SRBD1: variants seen among roughly 807,000 people sequenced by gnomAD.
SRBD1 encodes S1 RNA binding domain 1.
Under a neutral mutation model 115.3 loss-of-function variants are expected in SRBD1, and 88 were observed. That is an observed-to-expected ratio of 0.76 (90% CI 0.64 to 0.91). SRBD1 has a LOEUF of 0.91. Ranked by LOEUF, SRBD1 falls within the 40% of genes least tolerant of loss-of-function variation. The pLI is 0.00. For missense variants in SRBD1, 1,385 were observed against 1,177.4 expected (o/e 1.18, Z -2.58); for synonymous variants, 509 against 407.7 (o/e 1.25, Z -2.99).
At chr2:45,420,364 A>C (rs953186146) in intron 16 of SRBD1, among the ~76,000 whole-genome samples, 1 of 152,232 alleles carries the variant, frequency 6.6e-6, no homozygotes, top group Admixed American at 6.5e-5. Context: ...AAAACATGTT[A>C]TAATAGGAAG....
intron 16 of SRBD1, among the ~76,000 whole-genome samples, chr2:45,464,357 T>C (rs986422305): frequency 2.6e-5 from 4 of 152,150 alleles, no homozygotes; most frequent in African/African-American, 7.2e-5. Flanking sequence ...CTCTCTCCTA[T>C]CCTATTAGGT....
chr2:45,434,925 C>T lies in SRBD1; in HGVS notation c.2050-15031G>A, dbSNP rs539687866. Among the ~76,000 whole-genome samples the T allele has an allele frequency of 5.8e-4, 88 of 152,116 alleles. 1 individual carries two copies. Among genetic ancestry groups the T allele is most frequent in the African/African-American group, 1.6e-3 (68 of 41,516 alleles). ...CCTAATGCTATCCCTCCCCGCTCCCCCCACCCCACGACAGGCCCCGGTGTG... is the reference window on the plus strand; with the variant it reads ...CCTAATGCTATCCCTCCCCGCTCCCTCCACCCCACGACAGGCCCCGGTGTG... On this transcript the variant is annotated intron_variant, in intron 16 of 20. Coordinates refer to ENST00000263736, the MANE Select transcript of SRBD1 (RefSeq NM_018079.5).
chr2:45,488,121 T>C lies in SRBD1; in HGVS notation c.1966+119A>G, dbSNP rs1279109729. On this transcript the variant is annotated intron_variant, in intron 15 of 20. Coordinates refer to ENST00000263736, the MANE Select transcript of SRBD1 (RefSeq NM_018079.5). ...AACCACTTTCTTTCTAATATGCCAATTCTTATGCATGTAGTATAACTTTTA... is the reference window on the plus strand; with the variant it reads ...AACCACTTTCTTTCTAATATGCCAACTCTTATGCATGTAGTATAACTTTTA... The C allele has an allele frequency of 5.2e-6, 4 of 771,626 alleles. No homozygotes were observed. In the East Asian group the frequency reaches 1.1e-4, roughly 21 times the overall value. 47.8% of individuals were successfully genotyped at this position (771,626 alleles called of 1,614,324 possible). A position where few individuals can be genotyped will look rare whatever the true frequency, so the allele number is the denominator to read the frequency against.
chr2:45,560,305 A>T (rs1162022603), intron 10 of SRBD1, among the ~76,000 whole-genome samples: 1 of 152,214 alleles, frequency 6.6e-6, no homozygotes, highest in African/African-American at 2.4e-5. Context: ...ATAGGTTAAA[A>T]GCATATTTTT....
intron 6 of SRBD1, among the ~76,000 whole-genome samples, chr2:45,580,337 C>T (rs994286041): frequency 5.3e-5 from 8 of 151,850 alleles, no homozygotes; most frequent in Non-Finnish European, 7.4e-5. Flanking sequence ...TCTACTTCTT[C>T]GTTTTTTTTG....
At position 45,473,599 on chromosome 2, in the gene SRBD1, A is replaced by G. The variant is rs115367503; in HGVS notation, c.2049+3394T>C. On this transcript the variant is annotated intron_variant, in intron 16 of 20. Coordinates refer to ENST00000263736, the MANE Select transcript of SRBD1 (RefSeq NM_018079.5). ...TGCCTGATTTAGAATTATGAGTTCA[A>G]AATGTTTTTTCCCACAACTCCACAA... Among the ~76,000 whole-genome samples, 1,040 of 152,326 alleles carry G rather than the reference A, an allele frequency of 6.8e-3. 14 individuals are homozygous for G. The highest frequency in any genetic ancestry group is 0.024 in the African/African-American group (990 of 41,572).
At position 45,585,791 on chromosome 2, in the gene SRBD1, C is replaced by T. The variant is rs200141768; in HGVS notation, c.649-17G>A. ...AGATAAAACCTGCAAATTAAAGATACTTAGTGATTTAAAATGCTGAAAATT... is the reference window on the plus strand; with the variant it reads ...AGATAAAACCTGCAAATTAAAGATATTTAGTGATTTAAAATGCTGAAAATT... On this transcript the variant is annotated splice_polypyrimidine_tract_variant and intron_variant, in intron 4 of 20. Coordinates refer to ENST00000263736, the MANE Select transcript of SRBD1 (RefSeq NM_018079.5). 10 of 1,564,916 alleles carry T rather than the reference C, an allele frequency of 6.4e-6. No homozygotes were observed. In the African/African-American group the frequency reaches 8.3e-5, roughly 13 times the overall value.
intron 15 of SRBD1, among the ~76,000 whole-genome samples, chr2:45,487,054 A>T (rs114438243): frequency 1.7e-4 from 26 of 152,276 alleles, no homozygotes; most frequent in African/African-American, 5.5e-4. Context: ...ATTTAAGAAG[A>T]TGATCATTTT....
intron 16 of SRBD1, chr2:45,448,211 C>CAAATCTGT (rs1668886161): frequency 6.6e-6 from 1 of 152,078 alleles, no homozygotes; most frequent in African/African-American, 2.4e-5. Context: ...AATCTTGCCT[C>CAAATCTGT]TACTATTAAC....
chr2:45,547,467 G>C, intron 13 of SRBD1, 55 bp downstream of exon 13: 3 of 1,477,266 alleles, frequency 2.0e-6, no homozygotes, highest in Non-Finnish European at 2.8e-6. Context: ...GGCTTCAAAG[G>C]TATCTCTGGT....
intron 16 of SRBD1, among the ~76,000 whole-genome samples, chr2:45,431,894 T>C (rs1668349169): frequency 6.6e-6 from 1 of 152,194 alleles, no homozygotes; most frequent in South Asian, 2.1e-4. Flanking sequence ...TAGCAGCTAT[T>C]TATGTAATAG....
intron 9 of SRBD1, among the ~76,000 whole-genome samples, chr2:45,563,774 C>G (rs1174179112): frequency 1.3e-5 from 2 of 151,972 alleles, no homozygotes; most frequent in Non-Finnish European, 2.9e-5. Flanking sequence ...TCTGAACACA[C>G]CTATAAAAAG....
rs182062329 is a variant in SRBD1, at chr2:45,465,315, C to T, written c.2049+11678G>A. On this transcript the variant is annotated intron_variant, in intron 16 of 20. Coordinates refer to ENST00000263736, the MANE Select transcript of SRBD1 (RefSeq NM_018079.5). ...CATGTTCAGTACAGATGCAACTATC[C>T]TTTTTTTCCTCTCAATATTTTCAAT... is the stretch of plus-strand genomic sequence containing the variant. Among the ~76,000 whole-genome samples, 15 of 152,144 alleles carry T rather than the reference C, an allele frequency of 9.9e-5. 1 individual carries two copies. The East Asian group carries it at 2.9e-3, about 29-fold the overall frequency.
intron 18 of SRBD1, among the ~76,000 whole-genome samples, chr2:45,414,813 CATATAGTGTGTATATAGTATGT>C (rs1558563619): frequency 7.1e-4 from 25 of 35,216 alleles, no homozygotes; most frequent in Middle Eastern, 0.015. Flanking sequence ...TGTACACACA[CATATAGTGTGTATATAGTATGT>C]ACACACACAT....
chr2:45,580,114 C>T (rs1673304054), intron 6 of SRBD1, 101 bp from the exon 7 acceptor site: 1 of 1,009,854 alleles, frequency 9.9e-7, no homozygotes, highest in Admixed American at 3.3e-5. Context: ...CTAAAGAAAT[C>T]CTTTTCTCAA....
intron 5 of SRBD1, among the ~76,000 whole-genome samples, chr2:45,582,850 G>A (rs1043340755): frequency 6.6e-6 from 1 of 152,120 alleles, no homozygotes; most frequent in African/African-American, 2.4e-5. Flanking sequence ...TGCTACTGGA[G>A]TATCACTGCT....
chr2:45,462,217 C>G (rs1420497134), intron 16 of SRBD1, among the ~76,000 whole-genome samples: 1 of 152,024 alleles, frequency 6.6e-6, no homozygotes, highest in Non-Finnish European at 1.5e-5. Flanking sequence ...ATAAATTAAC[C>G]ACCTCATTTC....
At chr2:45,435,392 C>A (rs1200399981) in intron 16 of SRBD1, among the ~76,000 whole-genome samples, 2 of 151,892 alleles carry the variant, frequency 1.3e-5, no homozygotes, top group Admixed American at 6.6e-5. Flanking sequence ...GCTGGAGAAA[C>A]AGACTGGAGG....
At chr2:45,586,503 A>T (rs968100257) in intron 4 of SRBD1, among the ~76,000 whole-genome samples, 3 of 152,170 alleles carry the variant, frequency 2.0e-5, no homozygotes, top group Non-Finnish European at 2.9e-5. Context: ...TGAATTTTGT[A>T]TCATGCACAA....
Sources: allele counts gnomAD v4.1 joint callset (sites outside exome capture counted in the v4.1 genomes callset), GRCh38; gene constraint gnomAD v4.1.1; transcripts MANE v1.5; gene names NCBI Gene and HGNC (gene_info 2026-07-23, HGNC 2026-07-21).